The following PATJ variants were observed in gnomAD, a reference collection of about 807,000 sequenced individuals.
PATJ encodes inaD-like protein.
In PATJ, 190 loss-of-function variants were observed where a neutral mutation model predicts 224.9. The observed-to-expected ratio is 0.84, with a 90% CI of 0.75 to 0.95. The LOEUF (loss-of-function observed/expected upper bound fraction) is 0.95, where lower values mean the gene tolerates loss of function less well. PATJ is among the 40% of genes least tolerant of loss of function. The pLI is 0.00. For synonymous variants in PATJ, 769 were observed against 820.3 expected, an observed-to-expected ratio of 0.94 and a Z score of 1.07; for missense variants, 2,121 against 2,270.3, an observed-to-expected ratio of 0.93 and a Z score of 1.34.
intron 28 of PATJ, among the ~76,000 whole-genome samples, chr1:61,997,984 A>C (rs6666400): frequency 2.7e-5 from 2 of 72,972 alleles, no homozygotes; most frequent in East Asian, 5.9e-4. Flanking sequence ...TGCCCAGCTT[A>C]TATATGTATA....
intron 27 of PATJ, among the ~76,000 whole-genome samples, chr1:61,983,103 C>A (rs575036536): frequency 6.6e-6 from 1 of 151,790 alleles, no homozygotes; most frequent in Non-Finnish European, 1.5e-5. Flanking sequence ...TTTCTTAGTT[C>A]CTTTTGCCTG....
At chr1:61,798,006 G>T (rs753011508) in intron 11 of PATJ, among the ~76,000 whole-genome samples, 1 of 152,086 alleles carries the variant, frequency 6.6e-6, no homozygotes, top group East Asian at 1.9e-4. Context: ...GGGTTTCACC[G>T]TGTTGGTAAG....
At chr1:62,013,478 C>T in intron 28 of PATJ, 3 of 985,436 alleles carry the variant, frequency 3.0e-6, no homozygotes, top group Non-Finnish European at 3.6e-6. Flanking sequence ...AAGCTGGGAA[C>T]CACCTAGAGG....
At chr1:61,951,992 G>A (rs34189113) in intron 27 of PATJ, 28,124 of 184,514 alleles carry the variant, frequency 0.15, 2,642 homozygotes, top group Non-Finnish European at 0.2. Flanking sequence ...AATGGTTGAG[G>A]TTATAATGCC....
intron 41 of PATJ, among the ~76,000 whole-genome samples, chr1:62,148,000 G>A (rs571943357): frequency 2.1e-4 from 32 of 149,818 alleles, no homozygotes; most frequent in Non-Finnish European, 3.4e-4. Context: ...GCATGCCTGT[G>A]GTCCCAGCTA....
At chr1:61,878,592 C>G (rs1269981563) in intron 21 of PATJ, among the ~76,000 whole-genome samples, 1 of 151,728 alleles carries the variant, frequency 6.6e-6, no homozygotes, top group Non-Finnish European at 1.5e-5. Flanking sequence ...ACCTGCAATT[C>G]TAGCACTTTG....
intron 28 of PATJ, among the ~76,000 whole-genome samples, chr1:61,993,024 A>G (rs1569777906): frequency 6.6e-6 from 1 of 152,248 alleles, no homozygotes; most frequent in Non-Finnish European, 1.5e-5. Context: ...CAATTCTGAC[A>G]CTAGGTACCT....
intron 33 of PATJ, among the ~76,000 whole-genome samples, chr1:62,103,333 G>T (rs1375754300): frequency 1.3e-5 from 2 of 152,200 alleles, no homozygotes; most frequent in African/African-American, 4.8e-5. Context: ...CGTTTCCTCA[G>T]CTGTAAGTGG....
intron 21 of PATJ, among the ~76,000 whole-genome samples, chr1:61,878,039 A>G (rs1490184086): frequency 6.6e-6 from 1 of 152,226 alleles, no homozygotes; most frequent in Non-Finnish European, 1.5e-5. Flanking sequence ...AGTGGGGCAG[A>G]GGGCACAGGT....
At chr1:61,952,784 T>G (rs1679905694) in intron 27 of PATJ, among the ~76,000 whole-genome samples, 1 of 152,200 alleles carries the variant, frequency 6.6e-6, no homozygotes, top group African/African-American at 2.4e-5. Flanking sequence ...TTATTATCAT[T>G]ATTGTTGTTA....
Position 61,864,596 on chromosome 1 carries a change from A to G in PATJ, c.2798A>G (p.Gln933Arg), listed in dbSNP as rs993165501. The change falls in exon 20 of 44, where the codon CAG (glutamine) becomes CGG (arginine). Residue 933 changes from glutamine to arginine, a missense_variant. Physicochemically the swap from Gln to Arg is conservative, Grantham distance 43. Transcript: ENST00000642238. The part of the protein sequence containing the change: ...EARTGRTVYS[Q>R]EAQPYGYCPE... Reference sequence around the variant, plus strand: ...AGAACCGGGAGGACTGTCTATTCCCAGGAGGCACAGCCGTATGGCTATTGC... The same window carrying G: ...AGAACCGGGAGGACTGTCTATTCCCGGGAGGCACAGCCGTATGGCTATTGC... 6.2e-7 allele frequency: 1 copy of G among 1,605,040 alleles called. No homozygotes were observed.
intron 29 of PATJ, among the ~76,000 whole-genome samples, chr1:62,032,806 A>G (rs1422816834): frequency 6.6e-6 from 1 of 152,232 alleles, no homozygotes; most frequent in African/African-American, 2.4e-5. Context: ...TATAAAGGAA[A>G]GAGATTTAAC....
chr1:62,079,709 G>C (rs1658943394), intron 32 of PATJ, 142 bp downstream of exon 32: 1 of 653,642 alleles, frequency 1.5e-6, no homozygotes, highest in South Asian at 2.0e-5. Flanking sequence ...TTGGGGCTTG[G>C]ATAGGTCACT....
At chr1:61,785,676 C>T (rs1648352710) in intron 7 of PATJ, among the ~76,000 whole-genome samples, 1 of 151,932 alleles carries the variant, frequency 6.6e-6, no homozygotes, top group South Asian at 2.1e-4. Context: ...GAATTTCTGA[C>T]TAAACAAATT....
intron 22 of PATJ, among the ~76,000 whole-genome samples, chr1:61,890,905 G>A (rs1252148745): frequency 6.6e-6 from 1 of 152,118 alleles, no homozygotes; most frequent in African/African-American, 2.4e-5. Flanking sequence ...TAACAGCCTT[G>A]CCAATAGTAA....
chr1:62,045,205 C>T (rs1413992370), intron 30 of PATJ, among the ~76,000 whole-genome samples: 1 of 150,982 alleles, frequency 6.6e-6, no homozygotes, highest in Admixed American at 6.6e-5. Context: ...TGGGCAACAA[C>T]CGTGAAACTC....
At position 61,856,643 on chromosome 1, in the gene PATJ, C is replaced by T. The variant is rs554092124; in HGVS notation, c.2322+404C>T. 1.4e-4 allele frequency among the ~76,000 whole-genome samples: 21 copies of T among 152,248 alleles called. 1 individual carries two copies. The highest frequency in any genetic ancestry group is 5.1e-4 in the African/African-American group (21 of 41,556). ...TCTCTCTGTCATCCAGGCTGGAGTG[C>T]AGTGGCACGATCTTGGCTCACTGCA... On this transcript the variant is annotated intron_variant, in intron 18 of 43. Coordinates refer to ENST00000642238, the MANE Select transcript of PATJ (RefSeq NM_001350145.3).
chr1:61,936,180 CA>C (rs1571375073), intron 27 of PATJ, among the ~76,000 whole-genome samples: 2 of 151,614 alleles, frequency 1.3e-5, no homozygotes, highest in East Asian at 3.9e-4. Context: ...TACTCATTAG[CA>C]GTCACTCCAC....
intron 31 of PATJ, among the ~76,000 whole-genome samples, chr1:62,058,542 T>G (rs1193883564): frequency 6.6e-6 from 1 of 152,190 alleles, no homozygotes; most frequent in Non-Finnish European, 1.5e-5. Flanking sequence ...AAGGGGCTTA[T>G]CCTGTCTGCC....
Sources: allele counts gnomAD v4.1 joint callset (sites outside exome capture counted in the v4.1 genomes callset), GRCh38; gene constraint gnomAD v4.1.1; transcripts MANE v1.5; gene names NCBI Gene and HGNC (gene_info 2026-07-23, HGNC 2026-07-21).